Variants in PCDH9 observed in about 807,000 individuals in gnomAD.
PCDH9 encodes protocadherin-9.
Under a neutral mutation model 70.6 loss-of-function variants are expected in PCDH9, and 24 were observed. The ratio of observed to expected loss-of-function variants is 0.34; its 90% CI spans 0.25 to 0.48. The LOEUF is 0.48. Ranked by LOEUF, PCDH9 falls within the 20% of genes least tolerant of loss-of-function variation. PCDH9 has a pLI of 0.99. For missense variants in PCDH9, 1,281 were observed against 1,503.6 expected (o/e 0.85, Z 2.45); for synonymous variants, 562 against 558.5 (o/e 1.01, Z -0.09).
intron 2 of PCDH9, among the ~76,000 whole-genome samples, chr13:66,937,466 C>A (rs2082935555): frequency 6.6e-6 from 1 of 152,174 alleles, no homozygotes. Flanking sequence ...CTTATTACTG[C>A]CTGTCTCCAC....
At chr13:66,454,960 T>A (rs1253313768) in intron 4 of PCDH9, among the ~76,000 whole-genome samples, 2 of 152,088 alleles carry the variant, frequency 1.3e-5, no homozygotes, top group African/African-American at 4.8e-5. Flanking sequence ...TTAAAAACAA[T>A]AAGAATAACT....
intron 3 of PCDH9, among the ~76,000 whole-genome samples, chr13:66,862,984 A>G (rs1430005174): frequency 1.3e-5 from 2 of 152,196 alleles, no homozygotes; most frequent in Non-Finnish European, 2.9e-5. Context: ...AGAAATTCTT[A>G]TCTGTATAAT....
rs188745315 is a variant in PCDH9 at position 66,447,821 on chromosome 13, T to C, written c.3341-142793A>G. Among the ~76,000 whole-genome samples the C allele has an allele frequency of 4.6e-5, 7 of 152,284 alleles. No homozygotes were observed. The East Asian group carries it at 1.3e-3, about 29-fold the overall frequency. The stretch of plus-strand genomic sequence containing the variant: ...GTTGCAAGGGGAAAGTAAAACATAA[T>C]TAGATTATTATCTTGAATGTATCTT... On this transcript the variant is annotated intron_variant, in intron 4 of 4. Transcript: ENST00000377865.
chr13:66,927,981 G>A (rs2082743182), intron 2 of PCDH9, among the ~76,000 whole-genome samples: 2 of 152,034 alleles, frequency 1.3e-5, no homozygotes, highest in Admixed American at 6.6e-5. Flanking sequence ...TTAATTTGAG[G>A]TCCTATTTGA....
intron 3 of PCDH9, among the ~76,000 whole-genome samples, chr13:66,806,030 A>G (rs1317288831): frequency 1.5e-5 from 2 of 129,202 alleles, no homozygotes; most frequent in Non-Finnish European, 3.0e-5. Flanking sequence ...CACACAAAAT[A>G]TATATGTTTT....
intron 3 of PCDH9, among the ~76,000 whole-genome samples, chr13:66,692,337 G>A (rs542166457): frequency 5.8e-4 from 88 of 152,110 alleles, no homozygotes; most frequent in Middle Eastern, 3.4e-3. Flanking sequence ...TTGGACTGAA[G>A]CATCATATTT....
intron 3 of PCDH9, among the ~76,000 whole-genome samples, chr13:66,633,666 A>G (rs1322164923): frequency 6.6e-6 from 1 of 152,172 alleles, no homozygotes; most frequent in Non-Finnish European, 1.5e-5. Context: ...GTGAGTAAAA[A>G]GAAGTCAAGT....
intron 4 of PCDH9, among the ~76,000 whole-genome samples, chr13:66,542,377 T>A (rs1424622390): frequency 6.6e-6 from 1 of 152,118 alleles, no homozygotes; most frequent in Non-Finnish European, 1.5e-5. Flanking sequence ...GTTTTATAGA[T>A]GTTCATATCT....
intron 2 of PCDH9, among the ~76,000 whole-genome samples, chr13:66,951,383 G>T (rs959400525): frequency 5.4e-5 from 8 of 148,620 alleles, no homozygotes; most frequent in Non-Finnish European, 1.2e-4. Context: ...ATCCACAAGG[G>T]TTTATTTTGT....
intron 4 of PCDH9, among the ~76,000 whole-genome samples, chr13:66,603,148 T>C (rs1302836838): frequency 6.9e-6 from 1 of 145,796 alleles, no homozygotes; most frequent in African/African-American, 2.5e-5. Context: ...AAGTAAGTCC[T>C]ATGAGTTTGA....
At chr13:66,550,797 T>C (rs1256877333) in intron 4 of PCDH9, among the ~76,000 whole-genome samples, 1 of 152,180 alleles carries the variant, frequency 6.6e-6, no homozygotes, top group Non-Finnish European at 1.5e-5. Flanking sequence ...GCCAACTAAA[T>C]AGGCTGGCAT....
chr13:66,770,260 T>A (rs1402506498), intron 3 of PCDH9, among the ~76,000 whole-genome samples: 1 of 152,156 alleles, frequency 6.6e-6, no homozygotes, highest in African/African-American at 2.4e-5. Context: ...CTGGGTACAG[T>A]GTACACTACT....
intron 2 of PCDH9, among the ~76,000 whole-genome samples, chr13:67,035,560 T>C (rs951685110): frequency 2.0e-5 from 3 of 148,820 alleles, no homozygotes; most frequent in African/African-American, 7.4e-5. Flanking sequence ...AAATATATAA[T>C]TATATTAAAT....
At chr13:66,989,333 G>A (rs1036541852) in intron 2 of PCDH9, among the ~76,000 whole-genome samples, 3 of 151,876 alleles carry the variant, frequency 2.0e-5, no homozygotes, top group African/African-American at 7.2e-5. Context: ...ATGACCTTAT[G>A]AAGTTAGAAA....
chr13:66,746,339 A>G (rs1335360496), intron 3 of PCDH9, among the ~76,000 whole-genome samples: 1 of 152,200 alleles, frequency 6.6e-6, no homozygotes, highest in Non-Finnish European at 1.5e-5. Flanking sequence ...CTCTCTCAAT[A>G]TTTGTTTCAT....
At chr13:66,593,782 T>A (rs1440195640) in intron 4 of PCDH9, among the ~76,000 whole-genome samples, 2 of 151,722 alleles carry the variant, frequency 1.3e-5, no homozygotes, top group East Asian at 3.9e-4. Flanking sequence ...AAATAATTTT[T>A]CAAAGGATGA....
rs1389503261 is a variant in PCDH9, at chr13:66,472,889, T to C, written c.3340+158321A>G. Among the ~76,000 whole-genome samples, 4 of 152,286 alleles carry C rather than the reference T, an allele frequency of 2.6e-5. No individual in the cohort carries two copies. In the East Asian group the frequency reaches 7.7e-4, roughly 29 times the overall value. ...ATGTGTTGTTAATTCAATGAAATAA[T>C]GAATTTTCTCCTAAAGGATGAAAGT... On this transcript the variant is annotated intron_variant, in intron 4 of 4. Coordinates refer to ENST00000377865, the MANE Select transcript of PCDH9 (RefSeq NM_203487.3).
At chr13:66,847,382 A>G (rs977157926) in intron 3 of PCDH9, among the ~76,000 whole-genome samples, 1 of 152,184 alleles carries the variant, frequency 6.6e-6, no homozygotes, top group African/African-American at 2.4e-5. Context: ...GATGTGTTCT[A>G]AGATCCCTAG....
chr13:66,333,577 T>TA (rs1955980235), intron 4 of PCDH9, among the ~76,000 whole-genome samples: 1 of 152,212 alleles, frequency 6.6e-6, no homozygotes, highest in Non-Finnish European at 1.5e-5. Flanking sequence ...TCTTTATTTT[T>TA]CATTTTGTTT....
Sources: gnomAD v4.1 joint callset for allele counts (sites outside exome capture counted in the v4.1 genomes callset) on GRCh38, gnomAD v4.1.1 for gene constraint, MANE v1.5 for transcripts, NCBI Gene and HGNC (gene_info 2026-07-23, HGNC 2026-07-21) for gene names.